The following CBX5 variants were observed in gnomAD, a reference collection of about 807,000 sequenced individuals.
CBX5 encodes the protein chromobox protein homolog 5.
In CBX5, 7 loss-of-function variants were observed where a neutral mutation model predicts 20.7. The observed-to-expected ratio is 0.34, with a 90% confidence interval of 0.19 to 0.63. The LOEUF (loss-of-function observed/expected upper bound fraction) is 0.63, where lower values mean the gene tolerates loss of function less well. Ranked by LOEUF, CBX5 falls within the 30% of genes least tolerant of loss-of-function variation. CBX5 has a pLI of 0.75. For missense variants in CBX5, 110 were observed against 224.1 expected (o/e 0.49, Z 3.25); for synonymous variants, 78 against 77.0 (o/e 1.01, Z -0.07).
intron 1 of CBX5, chr12:54,272,949 A>G (rs1374424221): frequency 1.3e-5 from 2 of 152,164 alleles, no homozygotes; most frequent in Non-Finnish European, 2.9e-5. Context: ...CAGGACAAGA[A>G]CCCAGGTTTC....
At chr12:54,262,909 T>C (rs144179871) in intron 1 of CBX5, 12 of 152,336 alleles carry the variant, frequency 7.9e-5, no homozygotes, top group African/African-American at 2.6e-4. Context: ...AACACAACCT[T>C]ATCCTTGTGG....
At chr12:54,258,124 A>G (rs1413224178) in intron 1 of CBX5, 1 of 153,514 alleles carries the variant, frequency 6.5e-6, no homozygotes, top group Non-Finnish European at 1.4e-5. Flanking sequence ...AAAAGCCACT[A>G]AAATATGAGT....
chr12:54,261,303 CTT>C (rs372027623), intron 1 of CBX5, among the ~76,000 whole-genome samples: 3 of 143,524 alleles, frequency 2.1e-5, no homozygotes, highest in Non-Finnish European at 3.1e-5. Context: ...TTTCTTTTTT[CTT>C]TTTTTTTTTT....
rs116954272 is a variant in CBX5 at position 54,257,015 on chromosome 12, C to G, written c.137+499G>C. 1.8e-3 allele frequency among the ~76,000 whole-genome samples: 276 copies of G among 152,260 alleles called. 1 individual carries two copies. The East Asian group carries it at 0.029, about 16-fold the overall frequency. ...AGTAGCTGGGATTACAGGGACCTGC[C>G]ACCACACTTAATTTTTTTATTTTTA... is the stretch of plus-strand genomic sequence containing the variant. On this transcript the variant is annotated intron_variant, in intron 2 of 4. Transcript: ENST00000209875.
At position 54,241,601 on chromosome 12, in the gene CBX5, A is replaced by G. The variant is rs1169698550; in HGVS notation, c.*154T>C. 1.5e-6 allele frequency: 1 copy of G among 667,596 alleles called. No homozygotes were observed. The highest frequency in any genetic ancestry group is 1.8e-5 in the African/African-American group (1 of 54,858). 41.4% of individuals were successfully genotyped at this position (667,596 alleles called of 1,614,324 possible). The stretch of plus-strand genomic sequence containing the variant: ...TAATCAGACCATCAGTTATGTTACA[A>G]GAGAACCAATACCAACATTTCTCCT... On this transcript the variant is annotated 3_prime_UTR_variant, in exon 5 of 5. Coordinates refer to ENST00000209875, the MANE Select transcript of CBX5 (RefSeq NM_012117.3).
rs1442047927 is a variant in CBX5 at position 54,235,762 on chromosome 12, T to A, written c.*5993A>T. On this transcript the variant is annotated 3_prime_UTR_variant, in exon 5 of 5. Transcript: ENST00000209875. ...ATGTCCGTTTTAGGCTTAAAGGCAG[T>A]TAAGTCTCATGTTCATTCCTCCAAA... 6.6e-6 allele frequency: 1 copy of A among 152,240 alleles called. No individual in the cohort carries two copies. The highest frequency in any genetic ancestry group is 2.4e-5 in the African/African-American group (1 of 41,454). The allele number at this position is 152,240 out of a possible 1,614,324, so 9.4% of individuals were successfully genotyped here.
chr12:54,261,452 A>G (rs1238034615), intron 1 of CBX5, among the ~76,000 whole-genome samples: 1 of 151,786 alleles, frequency 6.6e-6, no homozygotes, highest in East Asian at 2.0e-4. Context: ...ATGTGCCACC[A>G]CGCCCAGCTA....
At chr12:54,244,758 T>G (rs985572865) in intron 4 of CBX5, among the ~76,000 whole-genome samples, 3 of 152,058 alleles carry the variant, frequency 2.0e-5, no homozygotes, top group African/African-American at 7.2e-5. Flanking sequence ...TGAGAAGAAC[T>G]ACTTCCTTTT....
At position 54,252,103 on chromosome 12, in the gene CBX5, T is replaced by C; in HGVS notation, c.262A>G (p.Asn88Asp). 1 of 1,612,464 alleles carries C rather than the reference T, an allele frequency of 6.2e-7. No individual in the cohort carries two copies. Among genetic ancestry groups the C allele is most frequent in the Non-Finnish European group, 8.5e-7 (1 of 1,179,472 alleles). The change falls in exon 3 of 5, where the codon AAC becomes GAC. Residue 88 changes from asparagine (N) to aspartate (D), a missense_variant. By Grantham distance (23) the Asn-to-Asp change is conservative (BLOSUM62 1). Coordinates refer to ENST00000209875, the MANE Select transcript of CBX5 (RefSeq NM_012117.3). ...TTTGAGAAATTGGATTTCCTCTTGT[T>C]ACTTTCTGACTTCTCCCTGGGTTTA... ...NNKPREKSES[N>D]KRKSNFSNSA...
At chr12:54,262,906 C>T (rs943851208) in intron 1 of CBX5, 4 of 152,202 alleles carry the variant, frequency 2.6e-5, no homozygotes, top group African/African-American at 9.6e-5. Context: ...CTGAACACAA[C>T]CTTATCCTTG....
In CBX5 at chr12:54,232,762, T is replaced by C. The variant is rs1312820242; in HGVS notation, c.*8993A>G. 6.6e-6 allele frequency: 1 copy of C among 152,084 alleles called. No homozygotes were observed. The highest frequency in any genetic ancestry group is 1.9e-4 in the East Asian group (1 of 5,206). The allele number at this position is 152,084 out of a possible 1,614,324, so 9.4% of individuals were successfully genotyped here. ...AAAAATGAACTGCTTCTGAAAGTCA[T>C]GTTATAGATGTTTTGAAAATAAAAT... On this transcript the variant is annotated 3_prime_UTR_variant, in exon 5 of 5. Transcript: ENST00000209875.
In CBX5 at chr12:54,239,416, A is replaced by T. The variant is rs1943654881; in HGVS notation, c.*2339T>A. ...TACATGCCCACTGCTACTGGGAGGC[A>T]TACACTGGGCCACTTGGATAGGCTG... On this transcript the variant is annotated 3_prime_UTR_variant, in exon 5 of 5. Coordinates refer to ENST00000209875, the MANE Select transcript of CBX5 (RefSeq NM_012117.3). The T allele has an allele frequency of 6.6e-6, 1 of 152,200 alleles. No individual in the cohort carries two copies. The highest frequency in any genetic ancestry group is 1.5e-5 in the Non-Finnish European group (1 of 68,036). The allele number at this position is 152,200 out of a possible 1,614,324, so 9.4% of individuals were successfully genotyped here. A position where few individuals can be genotyped will look rare whatever the true frequency, so the allele number is the denominator to read the frequency against.
chr12:54,244,535 C>T (rs1943713547), intron 4 of CBX5, among the ~76,000 whole-genome samples: 4 of 151,556 alleles, frequency 2.6e-5, no homozygotes, highest in South Asian at 2.1e-4. Flanking sequence ...GTCAGGAGTT[C>T]GAGACCAGCC....
intron 4 of CBX5, among the ~76,000 whole-genome samples, chr12:54,245,524 G>A (rs1398127447): frequency 2.6e-5 from 4 of 151,956 alleles, no homozygotes; most frequent in Non-Finnish European, 5.9e-5. Flanking sequence ...AGGCGCAGTG[G>A]CTCACGCCTG....
intron 3 of CBX5, 146 bp from the exon 4 acceptor site, chr12:54,246,361 C>A: frequency 3.3e-6 from 2 of 605,760 alleles, no homozygotes; most frequent in South Asian, 2.0e-5. Context: ...GAACTTAATA[C>A]TAAGTACTGA....
In CBX5 at chr12:54,235,800, T is replaced by G. The variant is rs1434459487; in HGVS notation, c.*5955A>C. On this transcript the variant is annotated 3_prime_UTR_variant, in exon 5 of 5. Transcript: ENST00000209875. Reference sequence around the variant, plus strand: ...TCATTCCTCCAAAAGGGATGAGAAATTGAAAAAGGTGTGAGCAACTCTGGT... The same window carrying G: ...TCATTCCTCCAAAAGGGATGAGAAAGTGAAAAAGGTGTGAGCAACTCTGGT... 6.6e-6 allele frequency: 1 copy of G among 152,150 alleles called. No individual in the cohort carries two copies. The highest frequency in any genetic ancestry group is 2.4e-5 in the African/African-American group (1 of 41,424). The allele number at this position is 152,150 out of a possible 1,614,324, so 9.4% of individuals were successfully genotyped here.
intron 1 of CBX5, chr12:54,259,229 T>A (rs1213433801): frequency 6.6e-6 from 1 of 152,126 alleles, no homozygotes; most frequent in Admixed American, 6.6e-5. Flanking sequence ...ACAGGAAATG[T>A]CATATTCCAG....
At chr12:54,261,589 C>T (rs555671114) in intron 1 of CBX5, among the ~76,000 whole-genome samples, 1 of 152,160 alleles carries the variant, frequency 6.6e-6, no homozygotes, top group Admixed American at 6.5e-5. Context: ...GACACTGCAC[C>T]CGGCCAGAAA....
At chr12:54,258,348 G>A (rs1319608772) in intron 1 of CBX5, 1 of 152,144 alleles carries the variant, frequency 6.6e-6, no homozygotes, top group Non-Finnish European at 1.5e-5. Flanking sequence ...ATGGGAGGGA[G>A]GCAGAAAGGA....
Sources: allele counts gnomAD v4.1 joint callset (sites outside exome capture counted in the v4.1 genomes callset), GRCh38; gene constraint gnomAD v4.1.1; transcripts MANE v1.5; gene names NCBI Gene and HGNC (gene_info 2026-07-23, HGNC 2026-07-21).